The following SLC9A9 variants were observed in gnomAD, a reference collection of about 807,000 sequenced individuals.
The protein encoded by SLC9A9 is sodium/hydrogen exchanger 9.
In SLC9A9, 62 loss-of-function variants were observed where a neutral mutation model predicts 77.8. The ratio of observed to expected loss-of-function variants is 0.80; its 90% CI spans 0.65 to 0.98. The LOEUF is 0.98. Among genes scored for constraint, SLC9A9 ranks in the 50% least tolerant of loss-of-function variants. The pLI, the probability that SLC9A9 is intolerant of heterozygous loss-of-function variation, is 0.00. For missense variants in SLC9A9, 775 were observed against 774.9 expected (o/e 1.00, Z 0.00); for synonymous variants, 320 against 283.5 (o/e 1.13, Z -1.29).
chr3:143,699,831 A>G (rs1343017205), intron 4 of SLC9A9, among the ~76,000 whole-genome samples: 7 of 151,934 alleles, frequency 4.6e-5, no homozygotes, highest in African/African-American at 1.7e-4. Flanking sequence ...GGGGCATGAG[A>G]CCTACTGAAA....
intron 14 of SLC9A9, among the ~76,000 whole-genome samples, chr3:143,295,437 C>A (rs1236568719): frequency 6.6e-6 from 1 of 152,174 alleles, no homozygotes. Flanking sequence ...GTAATCAGGT[C>A]TATGATCTTG....
Position 143,309,849 on chromosome 3 carries a change from C to T in SLC9A9, c.1605-40869G>A, listed in dbSNP as rs1449330505. Among the ~76,000 whole-genome samples the T allele has an allele frequency of 2.6e-5, 4 of 152,202 alleles. No individual in the cohort carries two copies. The East Asian group carries it at 7.7e-4, about 29-fold the overall frequency. Reference sequence around the variant, plus strand: ...TGGTGGTTGGAAATTTTGAGCTTTTCCCAAGGGTGAGAGTGAGAGGGAAAA... The same window carrying T: ...TGGTGGTTGGAAATTTTGAGCTTTTTCCAAGGGTGAGAGTGAGAGGGAAAA... On this transcript the variant is annotated intron_variant, in intron 14 of 15. Coordinates refer to ENST00000316549, the MANE Select transcript of SLC9A9 (RefSeq NM_173653.4).
At chr3:143,723,531 T>A (rs1934558389) in intron 4 of SLC9A9, among the ~76,000 whole-genome samples, 1 of 152,200 alleles carries the variant, frequency 6.6e-6, no homozygotes, top group African/African-American at 2.4e-5. Context: ...ACACAGTTTT[T>A]AGCCAGAAGG....
Position 143,643,574 on chromosome 3 carries a change from G to A in SLC9A9, c.755+8681C>T, listed in dbSNP as rs536507820. Among the ~76,000 whole-genome samples the A allele has an allele frequency of 3.3e-5, 5 of 152,250 alleles. No individual in the cohort carries two copies. In the South Asian group the frequency reaches 1.0e-3, roughly 32 times the overall value. ...ACAGTGGCAGCTTCCCACTCTTGCT[G>A]TGATTTTTCTCTTGTTTCTCACACT... On this transcript the variant is annotated intron_variant, in intron 6 of 15. Coordinates refer to ENST00000316549, the MANE Select transcript of SLC9A9 (RefSeq NM_173653.4).
At chr3:143,598,678 C>T (rs921185313) in intron 6 of SLC9A9, among the ~76,000 whole-genome samples, 3 of 152,214 alleles carry the variant, frequency 2.0e-5, no homozygotes, top group Admixed American at 1.3e-4. Context: ...TCTGAAGTCC[C>T]GTGGCCTCCT....
At chr3:143,659,066 G>A (rs2108754457) in intron 5 of SLC9A9, among the ~76,000 whole-genome samples, 2 of 152,322 alleles carry the variant, frequency 1.3e-5, no homozygotes, top group South Asian at 4.1e-4. Context: ...GGGAATCTGT[G>A]CAACATGCCC....
intron 11 of SLC9A9, among the ~76,000 whole-genome samples, chr3:143,488,099 A>G (rs574709720): frequency 1.3e-5 from 2 of 151,974 alleles, no homozygotes; most frequent in East Asian, 3.9e-4. Flanking sequence ...AGAGAATAAC[A>G]AGAATAAGAG....
chr3:143,372,486 CAT>C (rs1411343805), intron 13 of SLC9A9, among the ~76,000 whole-genome samples: 1 of 151,996 alleles, frequency 6.6e-6, no homozygotes, highest in Non-Finnish European at 1.5e-5. Context: ...GGATTAAAGA[CAT>C]AAATCTAAGA....
At chr3:143,392,150 C>T (rs1176128212) in intron 12 of SLC9A9, among the ~76,000 whole-genome samples, 1 of 152,114 alleles carries the variant, frequency 6.6e-6, no homozygotes, top group African/African-American at 2.4e-5. Flanking sequence ...ACATAATTGT[C>T]ATATTCACCA....
intron 14 of SLC9A9, among the ~76,000 whole-genome samples, chr3:143,269,262 C>T (rs1354308485): frequency 6.6e-6 from 1 of 152,178 alleles, no homozygotes; most frequent in Admixed American, 6.5e-5. Context: ...CTCAATGTCT[C>T]ATTTGCTTAG....
At chr3:143,358,277 T>C (rs2032648236) in intron 14 of SLC9A9, among the ~76,000 whole-genome samples, 1 of 152,184 alleles carries the variant, frequency 6.6e-6, no homozygotes, top group Non-Finnish European at 1.5e-5. Flanking sequence ...TTGTTGGCAA[T>C]ACCTCAGTGC....
intron 12 of SLC9A9, among the ~76,000 whole-genome samples, chr3:143,408,553 A>G (rs2034029581): frequency 6.6e-6 from 1 of 152,250 alleles, no homozygotes; most frequent in Admixed American, 6.5e-5. Context: ...AAATAACCTC[A>G]GGTGAAACCG....
intron 6 of SLC9A9, among the ~76,000 whole-genome samples, chr3:143,587,811 G>A (rs1267061618): frequency 1.3e-5 from 2 of 152,206 alleles, no homozygotes; most frequent in Non-Finnish European, 2.9e-5. Flanking sequence ...CAGCCTGGAT[G>A]CCACCACCTA....
intron 4 of SLC9A9, among the ~76,000 whole-genome samples, chr3:143,748,377 A>G (rs1935249698): frequency 6.6e-6 from 1 of 152,148 alleles, no homozygotes; most frequent in Admixed American, 6.5e-5. Flanking sequence ...GCCTGCCACA[A>G]CTGTCCTCAT....
At chr3:143,827,587 G>A (rs2009332074) in intron 2 of SLC9A9, among the ~76,000 whole-genome samples, 1 of 152,096 alleles carries the variant, frequency 6.6e-6, no homozygotes, top group Non-Finnish European at 1.5e-5. Context: ...CTTATTGGAA[G>A]GAACTCACAG....
At chr3:143,753,599 A>T (rs2006818407) in intron 4 of SLC9A9, among the ~76,000 whole-genome samples, 5 of 152,174 alleles carry the variant, frequency 3.3e-5, no homozygotes, top group Admixed American at 3.3e-4. Flanking sequence ...GGTTATCTAG[A>T]GGGTGCTGCA....
At chr3:143,730,592 C>T (rs531607216) in intron 4 of SLC9A9, among the ~76,000 whole-genome samples, 2 of 152,122 alleles carry the variant, frequency 1.3e-5, no homozygotes, top group African/African-American at 4.8e-5. Context: ...CTCTTTGTTG[C>T]CAAGATATCT....
intron 12 of SLC9A9, among the ~76,000 whole-genome samples, chr3:143,441,072 C>T (rs1285587809): frequency 6.6e-6 from 1 of 152,166 alleles, no homozygotes; most frequent in African/African-American, 2.4e-5. Flanking sequence ...TCATTCTCAC[C>T]TTTCCAACCT....
At chr3:143,649,129 T>A (rs1253541734) in intron 6 of SLC9A9, among the ~76,000 whole-genome samples, 1 of 152,224 alleles carries the variant, frequency 6.6e-6, no homozygotes, top group Non-Finnish European at 1.5e-5. Flanking sequence ...AACCTAGACT[T>A]CTTTCTACTC....
Sources: gnomAD v4.1 joint callset for allele counts (sites outside exome capture counted in the v4.1 genomes callset) on GRCh38, gnomAD v4.1.1 for gene constraint, MANE v1.5 for transcripts, NCBI Gene and HGNC (gene_info 2026-07-23, HGNC 2026-07-21) for gene names.